Variants in LGSN observed in about 807,000 individuals in gnomAD.
The protein encoded by LGSN is lengsin, lens protein with glutamine synthetase domain.
Under a neutral mutation model 19.5 loss-of-function variants are expected in LGSN, and 21 were observed. The ratio of observed to expected loss-of-function variants is 1.07; its 90% CI spans 0.76 to 1.55. The LOEUF is 1.55. LGSN is among the 40% of genes most tolerant of loss of function. The pLI, the probability that LGSN is intolerant of heterozygous loss-of-function variation, is 0.00. For missense variants in LGSN, 673 were observed against 608.5 expected (o/e 1.11, Z -1.12); for synonymous variants, 257 against 215.6 (o/e 1.19, Z -1.68).
the LGSN span, among the ~76,000 whole-genome samples, chr6:63,334,275 T>C: frequency 2.0e-5 from 3 of 152,090 alleles, no homozygotes. Flanking sequence ...AGTTGCAAGA[T>C]ACAAAATTAA....
chr6:63,320,009 TTA>T, upstream of LGSN: 1 of 1,188,496 alleles, frequency 8.4e-7, no homozygotes, highest in East Asian at 2.3e-5. Context: ...CAACATGTAT[TTA>T]TATGTGTACC....
chr6:63,420,487 C>T, the LGSN span, among the ~76,000 whole-genome samples: 1 of 152,218 alleles, frequency 6.6e-6, no homozygotes, highest in African/African-American at 2.4e-5. Flanking sequence ...TAACTGGCTA[C>T]TCTAACACCT....
At position 63,279,924 on chromosome 6, in the gene LGSN, G is replaced by T; in HGVS notation, c.*97C>A. 3.6e-6 allele frequency: 4 copies of T among 1,113,592 alleles called. No homozygotes were observed. The highest frequency in any genetic ancestry group is 3.9e-6 in the Non-Finnish European group (3 of 776,156). 69.0% of individuals were successfully genotyped at this position (1,113,592 alleles called of 1,614,324 possible). On this transcript the variant is annotated 3_prime_UTR_variant, in exon 4 of 4. Transcript: ENST00000370657. The stretch of plus-strand genomic sequence containing the variant: ...CAAAAGCATTCGTAATCTTGTTATT[G>T]TTGCTGTTGTTAATTACAAAAGTTC...
upstream of LGSN, among the ~76,000 whole-genome samples, chr6:63,323,857 C>T (rs373168367): frequency 4.2e-4 from 64 of 150,800 alleles, no homozygotes; most frequent in East Asian, 1.0e-2. Context: ...CTGCAACCTC[C>T]GCCTCCCGGG....
At chr6:63,327,107 G>T in the LGSN span, among the ~76,000 whole-genome samples, 4 of 152,334 alleles carry the variant, frequency 2.6e-5, no homozygotes, top group East Asian at 7.7e-4. Flanking sequence ...GGGTGAAGAA[G>T]GGGCCCTGCA....
chr6:63,352,830 G>T, the LGSN span, among the ~76,000 whole-genome samples: 1 of 152,010 alleles, frequency 6.6e-6, no homozygotes, highest in Non-Finnish European at 1.5e-5. Context: ...TAAGAGTAAG[G>T]ATTAAGGGAA....
At chr6:63,551,168 T>G in the LGSN span, among the ~76,000 whole-genome samples, 30 of 152,172 alleles carry the variant, frequency 2.0e-4, no homozygotes, top group South Asian at 5.0e-3. Flanking sequence ...CAGGTTCAAG[T>G]GATTCTCCTG....
At chr6:63,324,785 G>T (rs1331186465), upstream of LGSN, among the ~76,000 whole-genome samples, 7 of 151,294 alleles carry the variant, frequency 4.6e-5, no homozygotes, top group African/African-American at 1.5e-4. Context: ...TAAGAGGGAA[G>T]TTGATAGCAA....
chr6:63,283,178 T>A (rs865950127), intron 3 of LGSN, among the ~76,000 whole-genome samples: 1 of 152,148 alleles, frequency 6.6e-6, no homozygotes, highest in Non-Finnish European at 1.5e-5. Flanking sequence ...GCTTTATTCT[T>A]TTCTTGGACA....
the LGSN span, among the ~76,000 whole-genome samples, chr6:63,555,692 C>CT: frequency 0.059 from 8,007 of 134,970 alleles, 569 homozygotes; most frequent in African/African-American, 0.15. Flanking sequence ...CAATTACACT[C>CT]TTTTTTTTTT....
chr6:63,333,654 G>GGGAAGGGAAGAGGAAGC, the LGSN span, among the ~76,000 whole-genome samples: 36 of 151,384 alleles, frequency 2.4e-4, no homozygotes, highest in African/African-American at 8.7e-4. Context: ...GGAAAGGAAG[G>GGGAAGGGAAGAGGAAGC]GGAAGGGAAG....
the LGSN span, chr6:63,550,618 T>A: frequency 6.6e-6 from 1 of 152,444 alleles, no homozygotes; most frequent in Non-Finnish European, 1.5e-5. Flanking sequence ...TGTTTTTGGT[T>A]GGTTGGTTGG....
At chr6:63,561,988 A>G in the LGSN span, among the ~76,000 whole-genome samples, 2 of 152,130 alleles carry the variant, frequency 1.3e-5, no homozygotes, top group Non-Finnish European at 2.9e-5. Context: ...CAACTGTAAG[A>G]GTATCATTTT....
the LGSN span, among the ~76,000 whole-genome samples, chr6:63,407,192 A>T: frequency 6.6e-6 from 1 of 152,058 alleles, no homozygotes; most frequent in Non-Finnish European, 1.5e-5. Flanking sequence ...GGCCAGCATC[A>T]TCCTGATACC....
chr6:63,363,429 C>T, the LGSN span, among the ~76,000 whole-genome samples: 40 of 152,182 alleles, frequency 2.6e-4, no homozygotes, highest in African/African-American at 8.7e-4. Flanking sequence ...TCCAACCCAT[C>T]GCAAAGAAGA....
the LGSN span, chr6:63,528,054 C>T: frequency 1.1e-4 from 17 of 152,196 alleles, no homozygotes; most frequent in Admixed American, 1.1e-3. Flanking sequence ...AAGAGCATGG[C>T]TATGGGAGAA....
At chr6:63,404,985 G>A in the LGSN span, among the ~76,000 whole-genome samples, 1 of 125,722 alleles carries the variant, frequency 8.0e-6, no homozygotes, top group South Asian at 2.5e-4. Flanking sequence ...TCCCCAGAGT[G>A]TGATATTCCC....
the LGSN span, among the ~76,000 whole-genome samples, chr6:63,491,760 G>A: frequency 0.54 from 81,537 of 152,098 alleles, 23,688 homozygotes; most frequent in African/African-American, 0.77. Flanking sequence ...GCCGGGCGCG[G>A]TGGCTCACGC....
At chr6:63,520,300 T>C in the LGSN span, among the ~76,000 whole-genome samples, 32 of 152,298 alleles carry the variant, frequency 2.1e-4, no homozygotes, top group African/African-American at 7.5e-4. Flanking sequence ...TCAATTAACA[T>C]TGCTAATGAA....
Sources: gnomAD v4.1 joint callset for allele counts (sites outside exome capture counted in the v4.1 genomes callset) on GRCh38, gnomAD v4.1.1 for gene constraint, MANE v1.5 for transcripts, NCBI Gene and HGNC (gene_info 2026-07-23, HGNC 2026-07-21) for gene names.